Variants in RBPMS observed in about 807,000 individuals in gnomAD.
RBPMS encodes RNA binding protein, mRNA processing factor.
In RBPMS, 7 loss-of-function variants were observed where a neutral mutation model predicts 26.8. The observed-to-expected ratio is 0.26, with a 90% confidence interval of 0.15 to 0.49. The LOEUF (loss-of-function observed/expected upper bound fraction) is 0.49. RBPMS is among the 20% of genes least tolerant of loss of function. The pLI is 0.98. For synonymous variants in RBPMS, 96 were observed against 93.3 expected (o/e 1.03, Z -0.17); for missense variants, 186 against 250.0 (o/e 0.74, Z 1.73).
At chr8:30,412,696 A>G (rs1364232191) in intron 1 of RBPMS, among the ~76,000 whole-genome samples, 2 of 152,182 alleles carry the variant, frequency 1.3e-5, no homozygotes, top group Admixed American at 6.5e-5. Flanking sequence ...TGTATTGAGG[A>G]GGAGAGAAAA....
chr8:30,411,605 C>T (rs1468604620), intron 1 of RBPMS, among the ~76,000 whole-genome samples: 1 of 144,476 alleles, frequency 6.9e-6, no homozygotes, highest in Non-Finnish European at 1.5e-5. Flanking sequence ...GCAGAGGCTG[C>T]AGTGAGCCGT....
chr8:30,527,939 G>T (rs943289864), intron 5 of RBPMS, among the ~76,000 whole-genome samples: 2 of 152,234 alleles, frequency 1.3e-5, no homozygotes, highest in African/African-American at 4.8e-5. Flanking sequence ...ACTTCGGGAA[G>T]CCAAGGCGGG....
intron 5 of RBPMS, among the ~76,000 whole-genome samples, chr8:30,509,557 A>G (rs1240202910): frequency 6.6e-6 from 1 of 152,232 alleles, no homozygotes; most frequent in East Asian, 1.9e-4. Context: ...TCTGCGGGAC[A>G]AGGTCATCCA....
intron 4 of RBPMS, among the ~76,000 whole-genome samples, chr8:30,487,967 C>A (rs1206456130): frequency 6.6e-6 from 1 of 151,628 alleles, no homozygotes; most frequent in Non-Finnish European, 1.5e-5. Flanking sequence ...GGCCATTGTG[C>A]GGCAAGTTAA....
At chr8:30,499,870 C>CTGTGTGTG (rs10543546) in intron 4 of RBPMS, among the ~76,000 whole-genome samples, 16 of 150,188 alleles carry the variant, frequency 1.1e-4, no homozygotes, top group African/African-American at 3.4e-4. Context: ...TCAGGGGAAA[C>CTGTGTGTG]TGTGTGTGTG....
intron 1 of RBPMS, among the ~76,000 whole-genome samples, chr8:30,473,778 G>A (rs1817395497): frequency 6.6e-6 from 1 of 152,086 alleles, no homozygotes; most frequent in African/African-American, 2.4e-5. Context: ...AAAGGAACAA[G>A]GTCATGTCCT....
intron 5 of RBPMS, among the ~76,000 whole-genome samples, chr8:30,511,486 A>AAAATAT (rs1821657057): frequency 2.1e-4 from 5 of 23,542 alleles, no homozygotes; most frequent in African/African-American, 8.2e-4. Context: ...AAAAAAAAAA[A>AAAATAT]ATATATATAT....
At chr8:30,535,141 A>G (rs1824652517) in intron 5 of RBPMS, among the ~76,000 whole-genome samples, 1 of 152,162 alleles carries the variant, frequency 6.6e-6, no homozygotes, top group African/African-American at 2.4e-5. Context: ...ATTTAAGAAA[A>G]CTGACATTTT....
At chr8:30,556,801 A>C (rs1222103324) in intron 6 of RBPMS, 1 of 985,480 alleles carries the variant, frequency 1.0e-6, no homozygotes, top group Non-Finnish European at 1.2e-6. Context: ...GTGGGTAGGT[A>C]TGAGTTCTTT....
At chr8:30,512,899 A>T (rs184549864) in intron 5 of RBPMS, among the ~76,000 whole-genome samples, 2 of 152,322 alleles carry the variant, frequency 1.3e-5, no homozygotes, top group East Asian at 3.9e-4. Context: ...GTGGTAAATA[A>T]AAAGGGGAAG....
chr8:30,550,938 C>A (rs917428284), intron 6 of RBPMS, among the ~76,000 whole-genome samples: 1 of 152,338 alleles, frequency 6.6e-6, no homozygotes, highest in Non-Finnish European at 1.5e-5. Context: ...ACTTTCCTAT[C>A]GGAGAAACTG....
chr8:30,385,032 C>G lies in RBPMS; in HGVS notation c.-61C>G. The G allele has an allele frequency of 1.5e-6, 2 of 1,366,788 alleles. No individual in the cohort carries two copies. Among genetic ancestry groups the G allele is most frequent in the Non-Finnish European group, 2.0e-6 (2 of 1,022,376 alleles). The allele number at this position is 1,366,788 out of a possible 1,614,324, so 84.7% of individuals were successfully genotyped here. On this transcript the variant is annotated 5_prime_UTR_variant, in exon 1 of 9. Coordinates refer to ENST00000397323, the MANE Select transcript of RBPMS (RefSeq NM_001008710.3). ...CCCGGGGAAGGCTCCAGTGGGCTAG[C>G]GCGCCCTCGCCCAGCCCCGCGCCCC...
intron 1 of RBPMS, among the ~76,000 whole-genome samples, chr8:30,444,093 A>G (rs1027793125): frequency 1.3e-5 from 2 of 150,264 alleles, no homozygotes; most frequent in African/African-American, 4.9e-5. Flanking sequence ...GCCGGGTTTC[A>G]CCATATTGGC....
At chr8:30,472,106 A>G (rs1228485735) in intron 1 of RBPMS, among the ~76,000 whole-genome samples, 1 of 152,246 alleles carries the variant, frequency 6.6e-6, no homozygotes, top group African/African-American at 2.4e-5. Context: ...AGATTTGTAC[A>G]TGAATGTTCA....
rs532236971 is a variant in RBPMS, at chr8:30,458,565, GA to G, written c.67-16204del. Among the ~76,000 whole-genome samples the G allele has an allele frequency of 1.0e-4, 15 of 147,248 alleles. 1 individual carries two copies. The highest frequency in any genetic ancestry group is 8.6e-4 in the South Asian group (4 of 4,642). On this transcript the variant is annotated intron_variant, in intron 1 of 8. Coordinates refer to ENST00000397323, the MANE Select transcript of RBPMS (RefSeq NM_001008710.3). ...TCTCTACTGAGTAATTCTTTCACAA[GA>G]AAAAAAAAACAAAAAACAAAAACAA...
At chr8:30,421,945 ACT>A (rs1414365145) in intron 1 of RBPMS, among the ~76,000 whole-genome samples, 30 of 105,328 alleles carry the variant, frequency 2.8e-4, no homozygotes, top group East Asian at 2.7e-3. Flanking sequence ...ACATAGCGAG[ACT>A]CTGTCTCAAA....
At chr8:30,477,936 G>C (rs1817870129) in intron 3 of RBPMS, 99 bp downstream of exon 3, 2 of 819,014 alleles carry the variant, frequency 2.4e-6, no homozygotes, top group Non-Finnish European at 4.0e-6. Flanking sequence ...TAGAATTTGA[G>C]GGGTTTTTTG....
intron 1 of RBPMS, among the ~76,000 whole-genome samples, chr8:30,464,389 C>T (rs1400780358): frequency 6.6e-6 from 1 of 152,176 alleles, no homozygotes; most frequent in Non-Finnish European, 1.5e-5. Flanking sequence ...TGGGTAATTT[C>T]TGATAACTAA....
In RBPMS at chr8:30,546,753, G is replaced by T. The variant is rs766701679; in HGVS notation, c.528+2129G>T. ...GTCATGGACTCTATGAACAAATACG[G>T]TTATTTAAATGTATTTGTCCAGTAT... On this transcript the variant is annotated intron_variant, in intron 6 of 8. Coordinates refer to ENST00000397323, the MANE Select transcript of RBPMS (RefSeq NM_001008710.3). Among the ~76,000 whole-genome samples, 104 of 152,306 alleles carry T rather than the reference G, an allele frequency of 6.8e-4. 1 individual carries two copies. Among genetic ancestry groups the T allele is most frequent in the Middle Eastern group, 3.4e-3 (1 of 294 alleles).
Sources: gnomAD v4.1 joint callset for allele counts (sites outside exome capture counted in the v4.1 genomes callset) on GRCh38, gnomAD v4.1.1 for gene constraint, MANE v1.5 for transcripts, NCBI Gene and HGNC (gene_info 2026-07-23, HGNC 2026-07-21) for gene names.